Variants in FER1L6 observed in about 807,000 individuals in gnomAD.
FER1L6 encodes fer-1 like family member 6.
A neutral mutation model predicts 219.2 loss-of-function variants in FER1L6; 177 were observed. The ratio of observed to expected loss-of-function variants is 0.81; its 90% CI spans 0.71 to 0.91. FER1L6 has a LOEUF of 0.91. FER1L6 is among the 40% of genes least tolerant of loss of function. The probability of loss-of-function intolerance (pLI) is 0.00; values close to 1 mark genes in which losing one functional copy is unlikely to be tolerated. For synonymous variants in FER1L6, 768 were observed against 824.3 expected (o/e 0.93, Z 1.17); for missense variants, 2,153 against 2,259.9 (o/e 0.95, Z 0.96).
Position 124,015,607 on chromosome 8 carries a change from A to ATATATATATATGTATGTATG in FER1L6, c.1923-2012_1923-2011insATGTATGTATGTATATATAT, listed in dbSNP as rs71289634. Among the ~76,000 whole-genome samples the ATATATATATATGTATGTATG allele has an allele frequency of 2.5e-4, 22 of 88,598 alleles. 1 individual carries two copies. The highest frequency in any genetic ancestry group is 8.6e-4 in the African/African-American group (20 of 23,256). 58.1% of individuals were successfully genotyped at this position (88,598 alleles called of 152,430 possible). A position where few individuals can be genotyped will look rare whatever the true frequency, so the allele number is the denominator to read the frequency against. ...TATATATATATATATATATATATAT[A>ATATATATATATGTATGTATG]TATATATATTACTCCTGCTGTGAGC... On this transcript the variant is annotated intron_variant, in intron 15 of 40. Transcript: ENST00000522917.
Position 123,854,001 on chromosome 8 carries a change from G to A in FER1L6, c.-8+1816G>A, listed in dbSNP as rs759545169. Among the ~76,000 whole-genome samples, 140 of 152,296 alleles carry A rather than the reference G, an allele frequency of 9.2e-4. 1 individual carries two copies. Among genetic ancestry groups the A allele is most frequent in the Middle Eastern group, 3.4e-3 (1 of 294 alleles). ...CAGGGACCGTGATTAGAAAGTTTACGTCTGAGTGCTGGCCCTTCAGTAAAG... is the reference window on the plus strand; with the variant it reads ...CAGGGACCGTGATTAGAAAGTTTACATCTGAGTGCTGGCCCTTCAGTAAAG... On this transcript the variant is annotated intron_variant, in intron 1 of 40. Transcript: ENST00000522917.
Position 123,863,886 on chromosome 8 carries a change from G to A in FER1L6, c.-8+11701G>A, listed in dbSNP as rs995778529. ...AGCCTATGTGTGTCTCTGCATGTGA[G>A]ATGGGTTTCCTGAGTACAGCACACT... On this transcript the variant is annotated intron_variant, in intron 1 of 40. Coordinates refer to ENST00000522917, the MANE Select transcript of FER1L6 (RefSeq NM_001039112.2). Among the ~76,000 whole-genome samples, 17 of 151,298 alleles carry A rather than the reference G, an allele frequency of 1.1e-4. 1 individual carries two copies. The highest frequency in any genetic ancestry group is 2.7e-4 in the African/African-American group (11 of 40,612).
chr8:123,915,299 A>C (rs1271262853), intron 1 of FER1L6, among the ~76,000 whole-genome samples: 1 of 152,058 alleles, frequency 6.6e-6, no homozygotes, highest in Non-Finnish European at 1.5e-5. Context: ...CATGATAGCC[A>C]GGGGGGTGAG....
intron 1 of FER1L6, among the ~76,000 whole-genome samples, chr8:123,933,253 C>T (rs571290187): frequency 1.7e-4 from 26 of 152,292 alleles, no homozygotes; most frequent in South Asian, 1.0e-3. Context: ...CAGAAAGTAA[C>T]ATGTCCTGTT....
At chr8:124,105,339 C>T (rs1334180875) in intron 39 of FER1L6, among the ~76,000 whole-genome samples, 1 of 152,106 alleles carries the variant, frequency 6.6e-6, no homozygotes, top group Admixed American at 6.6e-5. Flanking sequence ...GGGAGGACAC[C>T]AGAGCCTGAT....
At chr8:124,068,932 ATTTC>A (rs1350845145) in intron 28 of FER1L6, among the ~76,000 whole-genome samples, 2 of 145,654 alleles carry the variant, frequency 1.4e-5, no homozygotes, top group East Asian at 2.0e-4. Flanking sequence ...ACAAGTTACT[ATTTC>A]TTTTTTTTTT....
At chr8:124,069,504 T>C in intron 29 of FER1L6, 29 bp downstream of exon 29, 1 of 1,513,970 alleles carries the variant, frequency 6.6e-7, no homozygotes, top group Non-Finnish European at 9.1e-7. Context: ...ATCTCTGCCA[T>C]GGATGGGGAG....
rs28421076 is a variant in FER1L6 at position 123,946,561 on chromosome 8, G to C, written c.-7-9431G>C. ...GAGCCACGGTGCCCGGGCTGCACAG[G>C]TTGGTTTTGATTAGTGGTTTTCAAA... is the stretch of plus-strand genomic sequence containing the variant. On this transcript the variant is annotated intron_variant, in intron 1 of 40. Transcript: ENST00000522917. Among the ~76,000 whole-genome samples the C allele has an allele frequency of 2.7e-3, 405 of 152,264 alleles. 2 individuals carry two copies. Among genetic ancestry groups the C allele is most frequent in the African/African-American group, 9.0e-3 (373 of 41,556 alleles).
At chr8:123,898,357 T>A (rs1356413891) in intron 1 of FER1L6, among the ~76,000 whole-genome samples, 1 of 151,890 alleles carries the variant, frequency 6.6e-6, no homozygotes, top group East Asian at 1.9e-4. Flanking sequence ...TCTTTAGTGG[T>A]GATTTGTGAG....
chr8:123,873,245 A>C (rs1465126564), intron 1 of FER1L6, among the ~76,000 whole-genome samples: 1 of 151,860 alleles, frequency 6.6e-6, no homozygotes, highest in Admixed American at 6.6e-5. Context: ...TCTTGCCTGG[A>C]CTCTCATCTC....
At chr8:124,028,522 A>T (rs909829554) in intron 18 of FER1L6, among the ~76,000 whole-genome samples, 17 of 137,634 alleles carry the variant, frequency 1.2e-4, no homozygotes, top group African/African-American at 4.0e-4. Context: ...GCTGGGAAAT[A>T]GGAAGTGAAG....
intron 22 of FER1L6, among the ~76,000 whole-genome samples, chr8:124,054,706 C>T (rs762475931): frequency 3.3e-5 from 5 of 152,162 alleles, no homozygotes; most frequent in Admixed American, 2.0e-4. Flanking sequence ...GACCCTGAAG[C>T]CTCACTATGC....
chr8:123,936,191 C>G (rs1192672426), intron 1 of FER1L6, among the ~76,000 whole-genome samples: 1 of 152,100 alleles, frequency 6.6e-6, no homozygotes. Context: ...GTGAACGGTC[C>G]ATACGCTTTT....
chr8:123,971,489 T>G (rs1815814108), intron 6 of FER1L6, among the ~76,000 whole-genome samples: 1 of 152,256 alleles, frequency 6.6e-6, no homozygotes, highest in South Asian at 2.1e-4. Flanking sequence ...GATTTTTATA[T>G]TGTGCCATAG....
intron 1 of FER1L6, among the ~76,000 whole-genome samples, chr8:123,894,158 C>T (rs1812702237): frequency 6.6e-6 from 1 of 152,062 alleles, no homozygotes; most frequent in Non-Finnish European, 1.5e-5. Flanking sequence ...AGATACCAGG[C>T]CTCTCAAAAT....
At chr8:124,011,380 G>T (rs146268745) in intron 14 of FER1L6, among the ~76,000 whole-genome samples, 30 of 152,158 alleles carry the variant, frequency 2.0e-4, no homozygotes, top group Middle Eastern at 3.4e-3. Context: ...TTTTGAGAAG[G>T]GGTCTTGCTT....
At chr8:123,892,693 C>A (rs1812671049) in intron 1 of FER1L6, among the ~76,000 whole-genome samples, 1 of 152,136 alleles carries the variant, frequency 6.6e-6, no homozygotes, top group African/African-American at 2.4e-5. Context: ...GTGATTTTGG[C>A]TAAACAAATG....
intron 20 of FER1L6, among the ~76,000 whole-genome samples, chr8:124,043,956 T>C (rs1444309280): frequency 6.6e-6 from 1 of 152,248 alleles, no homozygotes; most frequent in Non-Finnish European, 1.5e-5. Flanking sequence ...CAGAGTGCTG[T>C]GTTAGTGTCT....
chr8:123,960,235 G>A (rs1815211423), intron 2 of FER1L6, among the ~76,000 whole-genome samples: 1 of 152,164 alleles, frequency 6.6e-6, no homozygotes, highest in South Asian at 2.1e-4. Flanking sequence ...TCAGGTCTTT[G>A]AGCTACATCA....
Sources: allele counts gnomAD v4.1 joint callset (sites outside exome capture counted in the v4.1 genomes callset), GRCh38; gene constraint gnomAD v4.1.1; transcripts MANE v1.5; gene names NCBI Gene and HGNC (gene_info 2026-07-23, HGNC 2026-07-21).